Variants in RGPD2 observed in about 807,000 individuals in gnomAD.
RGPD2 encodes the protein RANBP2 like and GRIP domain containing 2.
Under a neutral mutation model 36.0 loss-of-function variants are expected in RGPD2, and 2 were observed. The observed-to-expected ratio is 0.06, with a 90% CI of 0.02 to 0.17. The LOEUF (loss-of-function observed/expected upper bound fraction) is 0.17, where lower values mean the gene tolerates loss of function less well. Ranked by LOEUF, RGPD2 falls within the 10% of genes least tolerant of loss-of-function variation. The pLI, the probability that RGPD2 is intolerant of heterozygous loss-of-function variation, is 1.00. For synonymous variants in RGPD2, 19 were observed against 163.8 expected, an observed-to-expected ratio of 0.12 and a Z score of 6.75; for missense variants, 40 against 464.3, an observed-to-expected ratio of 0.09 and a Z score of 8.40.
the RGPD2 span, among the ~76,000 whole-genome samples, chr2:87,939,908 T>A: frequency 6.6e-6 from 1 of 152,076 alleles, no homozygotes; most frequent in Non-Finnish European, 1.5e-5. Context: ...TTAGGGAAAC[T>A]GAAAAGCCCA....
the RGPD2 span, among the ~76,000 whole-genome samples, chr2:87,919,125 C>A: frequency 1.3e-5 from 2 of 151,540 alleles, no homozygotes; most frequent in Non-Finnish European, 1.5e-5. Flanking sequence ...ATCAAAAATA[C>A]ATAGTTATTA....
the RGPD2 span, among the ~76,000 whole-genome samples, chr2:87,831,383 A>G: frequency 6.6e-6 from 1 of 152,198 alleles, no homozygotes; most frequent in African/African-American, 2.4e-5. Flanking sequence ...GAGAAAATAG[A>G]GCAGATGTAA....
the RGPD2 span, among the ~76,000 whole-genome samples, chr2:87,837,062 GC>G: frequency 6.6e-6 from 1 of 151,936 alleles, no homozygotes; most frequent in Non-Finnish European, 1.5e-5. Context: ...CAATACAGGA[GC>G]CCCCAGATTC....
the RGPD2 span, among the ~76,000 whole-genome samples, chr2:87,887,411 A>G: frequency 4.6e-5 from 7 of 151,624 alleles, no homozygotes; most frequent in Non-Finnish European, 7.4e-5. Flanking sequence ...GTTTTTAGGA[A>G]TATAATGTAC....
At chr2:87,964,573 G>T in the RGPD2 span, among the ~76,000 whole-genome samples, 2 of 152,080 alleles carry the variant, frequency 1.3e-5, no homozygotes, top group East Asian at 3.9e-4. Flanking sequence ...TCACACTGCC[G>T]CCCAGGCTGG....
the RGPD2 span, among the ~76,000 whole-genome samples, chr2:87,894,641 T>C: frequency 3.3e-5 from 5 of 151,958 alleles, no homozygotes. Context: ...GTGTGGACTC[T>C]AGTGACCAGA....
At chr2:87,984,690 G>A in the RGPD2 span, among the ~76,000 whole-genome samples, 7 of 146,912 alleles carry the variant, frequency 4.8e-5, no homozygotes, top group East Asian at 1.2e-3. Flanking sequence ...CAGCACTTTG[G>A]GAGGCTGAGA....
the RGPD2 span, among the ~76,000 whole-genome samples, chr2:87,961,274 C>T: frequency 6.6e-6 from 1 of 152,200 alleles, no homozygotes; most frequent in East Asian, 1.9e-4. Flanking sequence ...AGGAAAGCGC[C>T]TGAAAGCCAC....
the RGPD2 span, among the ~76,000 whole-genome samples, chr2:87,961,815 G>A: frequency 4.6e-5 from 7 of 151,316 alleles, no homozygotes; most frequent in African/African-American, 7.3e-5. Flanking sequence ...ATTTTCTGTC[G>A]GCTTATAAGT....
the RGPD2 span, among the ~76,000 whole-genome samples, chr2:87,879,361 C>A: frequency 2.2e-4 from 33 of 151,472 alleles, no homozygotes; most frequent in African/African-American, 7.8e-4. Flanking sequence ...ACAGTCATGC[C>A]GTTTTCCTGT....
the RGPD2 span, among the ~76,000 whole-genome samples, chr2:87,961,553 T>G: frequency 6.0e-5 from 9 of 151,250 alleles, no homozygotes; most frequent in Admixed American, 3.9e-4. Context: ...ATACAAAAAA[T>G]TACCCGGGCG....
chr2:87,951,615 CAG>C, the RGPD2 span, among the ~76,000 whole-genome samples: 1 of 151,554 alleles, frequency 6.6e-6, no homozygotes, highest in Non-Finnish European at 1.5e-5. Flanking sequence ...TCTTTTGAGA[CAG>C]AGTCTCGCCC....
intron 17 of RGPD2, among the ~76,000 whole-genome samples, chr2:87,790,483 AAAGAT>A (rs1176183570): frequency 1.0e-5 from 1 of 99,072 alleles, no homozygotes; most frequent in Admixed American, 1.3e-4. Flanking sequence ...CTCTCATTTT[AAAGAT>A]AAGAAGCCAG....
At chr2:87,824,766 CGCCCGGCCAGGCCGAGGCCGAGGCCGAG>C (rs1380039119) in intron 1 of RGPD2, among the ~76,000 whole-genome samples, 29 of 118,264 alleles carry the variant, frequency 2.5e-4, no homozygotes, top group Admixed American at 9.3e-4. Flanking sequence ...CCGCCGCCGC[CGCCCGGCCAGGCCGAGGCCGAGGCCGAG>C]GCCGCCGCCG....
the RGPD2 span, among the ~76,000 whole-genome samples, chr2:87,988,548 T>A: frequency 0.074 from 7,484 of 100,640 alleles, 655 homozygotes; most frequent in East Asian, 0.13. Flanking sequence ...TATATTTTTT[T>A]TTTTTCTTTT....
At chr2:87,919,318 T>C in the RGPD2 span, among the ~76,000 whole-genome samples, 2 of 150,432 alleles carry the variant, frequency 1.3e-5, no homozygotes, top group African/African-American at 2.4e-5. Context: ...ACCTATCTGA[T>C]AGAACTATTA....
chr2:87,870,484 G>A, the RGPD2 span, among the ~76,000 whole-genome samples: 1 of 152,126 alleles, frequency 6.6e-6, no homozygotes, highest in Non-Finnish European at 1.5e-5. Flanking sequence ...ATTCTGTCCG[G>A]CCTTGCTTTT....
chr2:87,977,740 A>G, the RGPD2 span, among the ~76,000 whole-genome samples: 1 of 152,270 alleles, frequency 6.6e-6, no homozygotes, highest in East Asian at 1.9e-4. Context: ...GTATTAAATC[A>G]AAGCAATTGT....
intron 22 of RGPD2, among the ~76,000 whole-genome samples, chr2:87,769,808 AG>A (rs1685073568): frequency 2.6e-5 from 4 of 151,098 alleles, no homozygotes. Context: ...TTTTACTCTT[AG>A]GTGACTAGAA....
Sources: allele counts gnomAD v4.1 joint callset (sites outside exome capture counted in the v4.1 genomes callset), GRCh38; gene constraint gnomAD v4.1.1; transcripts MANE v1.5; gene names NCBI Gene and HGNC (gene_info 2026-07-23, HGNC 2026-07-21).